The following TTC39B variants were observed in gnomAD, a reference collection of about 807,000 sequenced individuals.
TTC39B encodes the protein tetratricopeptide repeat domain 39B.
Under a neutral mutation model 96.6 loss-of-function variants are expected in TTC39B, and 92 were observed. That is an observed-to-expected ratio of 0.95 (90% CI 0.80 to 1.13). The LOEUF is 1.13. Ranked by LOEUF, TTC39B falls within the 50% of genes most tolerant of loss-of-function variation. The probability of loss-of-function intolerance (pLI) is 0.00; values close to 1 mark genes in which losing one functional copy is unlikely to be tolerated. For missense variants in TTC39B, 955 were observed against 809.3 expected, an observed-to-expected ratio of 1.18 and a Z score of -2.18; for synonymous variants, 367 against 299.4, an observed-to-expected ratio of 1.23 and a Z score of -2.33.
At chr9:15,178,439 GA>G (rs1333380942) in intron 17 of TTC39B, among the ~76,000 whole-genome samples, 1 of 152,098 alleles carries the variant, frequency 6.6e-6, no homozygotes, top group Admixed American at 6.5e-5. Flanking sequence ...TACTGGGCAT[GA>G]TGGCACATGC....
At position 15,176,558 on chromosome 9, in the gene TTC39B, G is replaced by A. The variant is rs117233143; in HGVS notation, c.1841+1139C>T. On this transcript the variant is annotated intron_variant, in intron 18 of 19. Coordinates refer to ENST00000512701, the Ensembl canonical transcript of TTC39B. ...ACAGAGCACAGGATGTCCACCAGCA[G>A]TCTATAGCTGTGATTGTTTTGGCTT... 1.6e-3 allele frequency among the ~76,000 whole-genome samples: 249 copies of A among 152,252 alleles called. 3 individuals carry two copies. Among genetic ancestry groups the A allele is most frequent in the Middle Eastern group, 0.01 (3 of 294 alleles).
chr9:15,219,186 T>G (rs1270417814), intron 3 of TTC39B, among the ~76,000 whole-genome samples: 1 of 152,250 alleles, frequency 6.6e-6, no homozygotes, highest in Non-Finnish European at 1.5e-5. Context: ...CTCAGCTTCC[T>G]TATCTGTAAG....
chr9:15,207,876 C>A (rs533626948), intron 6 of TTC39B, among the ~76,000 whole-genome samples: 1 of 144,882 alleles, frequency 6.9e-6, no homozygotes, highest in African/African-American at 2.6e-5. Context: ...CCCAGCTACT[C>A]GGGAGGCTGA....
chr9:15,251,315 CACTCTGGGAG>C (rs1241240318), intron 2 of TTC39B, among the ~76,000 whole-genome samples: 1 of 152,110 alleles, frequency 6.6e-6, no homozygotes, highest in Admixed American at 6.5e-5. Flanking sequence ...GTAATCCCAG[CACTCTGGGAG>C]GCCAAGGTGG....
At chr9:15,206,226 C>G (rs1476230702) in intron 6 of TTC39B, among the ~76,000 whole-genome samples, 1 of 151,882 alleles carries the variant, frequency 6.6e-6, no homozygotes, top group Admixed American at 6.6e-5. Context: ...AATTTGAAAC[C>G]CATTTGGGGC....
At chr9:15,179,414 C>T (rs1818129903) in intron 17 of TTC39B, among the ~76,000 whole-genome samples, 1 of 152,138 alleles carries the variant, frequency 6.6e-6, no homozygotes, top group Admixed American at 6.5e-5. Flanking sequence ...ATTAACAATG[C>T]TACTTAACCA....
chr9:15,219,970 CA>C (rs1820754639), intron 3 of TTC39B, among the ~76,000 whole-genome samples: 1 of 152,194 alleles, frequency 6.6e-6, no homozygotes, highest in Non-Finnish European at 1.5e-5. Context: ...CATTCTCCAA[CA>C]TAGTCTTTGT....
At chr9:15,266,468 T>C (rs1823134548) in intron 2 of TTC39B, among the ~76,000 whole-genome samples, 1 of 152,200 alleles carries the variant, frequency 6.6e-6, no homozygotes, top group African/African-American at 2.4e-5. Flanking sequence ...ATGCAATGTA[T>C]TTTTAAAATA....
chr9:15,187,863 T>G, intron 14 of TTC39B, 108 bp downstream of exon 14: 1 of 1,188,972 alleles, frequency 8.4e-7, no homozygotes. Flanking sequence ...GATCTCTAAG[T>G]TGAGAAAACA....
At position 15,306,362 on chromosome 9, in the gene TTC39B, T is replaced by C. The variant is rs766952337; in HGVS notation, c.240+722A>G. On this transcript the variant is annotated intron_variant, in intron 1 of 19. Coordinates refer to ENST00000512701, the Ensembl canonical transcript of TTC39B. This position sits in a 1 kb window ranked among gnomAD's most constrained non-coding sequence, Gnocchi z 5.1. ...GGCGCGCCACGACTGAAGGAGTGGC[T>C]AATTACTCAAACACAGTTGAAACCA... Among the ~76,000 whole-genome samples the C allele has an allele frequency of 6.6e-6, 1 of 152,184 alleles. No individual in the cohort carries two copies. The highest frequency in any genetic ancestry group is 1.5e-5 in the Non-Finnish European group (1 of 68,030).
chr9:15,253,762 T>C (rs73646021), intron 2 of TTC39B, among the ~76,000 whole-genome samples: 10,099 of 152,308 alleles, frequency 0.066, 382 homozygotes, highest in South Asian at 0.079. Flanking sequence ...GTAAGGGTTT[T>C]GTCATAACAA....
At chr9:15,215,358 G>T (rs1820452594) in intron 3 of TTC39B, among the ~76,000 whole-genome samples, 2 of 152,036 alleles carry the variant, frequency 1.3e-5, no homozygotes, top group African/African-American at 4.8e-5. Flanking sequence ...AGGAGTGAGA[G>T]ACCACCCTGA....
At chr9:15,171,865 C>A in exon 20 of TTC39B, 10 of 453,222 alleles carry the variant, frequency 2.2e-5, no homozygotes, top group East Asian at 7.2e-5. Context: ...TTATGTAGAC[C>A]AACAGTAAAT....
intron 2 of TTC39B, among the ~76,000 whole-genome samples, chr9:15,261,897 C>T (rs1038988046): frequency 1.3e-5 from 2 of 152,070 alleles, no homozygotes; most frequent in East Asian, 1.9e-4. Context: ...AGGGACACTC[C>T]GTCATCAGAG....
chr9:15,180,502 A>T (rs531589289), intron 17 of TTC39B, among the ~76,000 whole-genome samples: 47 of 152,360 alleles, frequency 3.1e-4, no homozygotes, highest in South Asian at 8.3e-4. Flanking sequence ...AACTATGGCC[A>T]GAGTATTGCA....
rs367933200 is a variant in TTC39B, at chr9:15,189,495, G to T, written c.1233+79C>A. On this transcript the variant is annotated intron_variant, in intron 13 of 19. Transcript: ENST00000512701. ...CCATATAGCCAAGTTTACTTTTGTT[G>T]AATAAGTAGGTCACAGCGACTCATG... is the stretch of plus-strand genomic sequence containing the variant. 2.7e-6 allele frequency: 4 copies of T among 1,475,826 alleles called. No homozygotes were observed. The South Asian group carries it at 3.6e-5, about 13-fold the overall frequency. 91.4% of individuals were successfully genotyped at this position (1,475,826 alleles called of 1,614,324 possible).
chr9:15,266,987 C>G (rs751282447), intron 2 of TTC39B, among the ~76,000 whole-genome samples: 13 of 152,056 alleles, frequency 8.5e-5, no homozygotes, highest in Non-Finnish European at 1.6e-4. Context: ...GCTAAGGCAG[C>G]AGAATGGCGT....
intron 1 of TTC39B, among the ~76,000 whole-genome samples, chr9:15,272,973 A>G (rs1467255231): frequency 6.6e-6 from 1 of 152,174 alleles, no homozygotes; most frequent in East Asian, 1.9e-4. Flanking sequence ...AGATCATAGA[A>G]ACTGCCATCC....
intron 8 of TTC39B, among the ~76,000 whole-genome samples, chr9:15,198,870 A>C (rs1053710839): frequency 6.6e-6 from 1 of 152,238 alleles, no homozygotes; most frequent in African/African-American, 2.4e-5. Context: ...TGCAAAGACT[A>C]ATTATAAAAA....
Sources: allele counts gnomAD v4.1 joint callset (sites outside exome capture counted in the v4.1 genomes callset), GRCh38; gene constraint gnomAD v4.1.1; non-coding constraint Gnocchi (gnomAD v3.1); transcripts MANE v1.5; gene names NCBI Gene and HGNC (gene_info 2026-07-23, HGNC 2026-07-21).